Variants in GABRG3 observed in about 807,000 individuals in gnomAD.
GABRG3 encodes the protein gamma-aminobutyric acid receptor subunit gamma-3.
GABRG3 carries 25 observed loss-of-function variants against 48.8 expected under a neutral mutation model. The observed-to-expected ratio is 0.51, with a 90% CI of 0.37 to 0.72. GABRG3 has a LOEUF of 0.72. Among genes scored for constraint, GABRG3 ranks in the 30% least tolerant of loss-of-function variants. The pLI is 0.00. For synonymous variants in GABRG3, 227 were observed against 217.6 expected, an observed-to-expected ratio of 1.04 and a Z score of -0.38; for missense variants, 394 against 577.9, an observed-to-expected ratio of 0.68 and a Z score of 3.26.
chr15:27,126,145 G>A (rs994780483), intron 3 of GABRG3, among the ~76,000 whole-genome samples: 30 of 152,036 alleles, frequency 2.0e-4, no homozygotes, highest in Non-Finnish European at 3.1e-4. Context: ...TAAAACCAGT[G>A]AGTAGCAAGT....
At chr15:27,376,328 A>G (rs576325407) in intron 5 of GABRG3, among the ~76,000 whole-genome samples, 5 of 152,316 alleles carry the variant, frequency 3.3e-5, no homozygotes, top group South Asian at 2.1e-4. Context: ...GATGCAAACC[A>G]TCAGTGGATC....
chr15:27,264,060 C>CT (rs1380564986), intron 3 of GABRG3, among the ~76,000 whole-genome samples: 2 of 152,016 alleles, frequency 1.3e-5, no homozygotes, highest in Non-Finnish European at 1.5e-5. Context: ...AGCTGAGAGA[C>CT]TGTTGGGCAA....
intron 5 of GABRG3, among the ~76,000 whole-genome samples, chr15:27,410,349 T>A (rs1196023841): frequency 6.6e-6 from 1 of 152,146 alleles, no homozygotes. Context: ...GATACTATAG[T>A]TTTTTTGTAC....
intron 9 of GABRG3, among the ~76,000 whole-genome samples, chr15:27,528,390 A>G (rs1891333706): frequency 6.6e-6 from 1 of 152,240 alleles, no homozygotes; most frequent in African/African-American, 2.4e-5. Flanking sequence ...GGATCATTTT[A>G]ATGACCATAT....
intron 9 of GABRG3, among the ~76,000 whole-genome samples, chr15:27,529,166 C>T (rs1891354952): frequency 6.6e-6 from 1 of 152,118 alleles, no homozygotes; most frequent in African/African-American, 2.4e-5. Flanking sequence ...ACAAACCTTT[C>T]TACAAATGAG....
chr15:27,106,051 A>T (rs1218666901), intron 3 of GABRG3, among the ~76,000 whole-genome samples: 1 of 152,114 alleles, frequency 6.6e-6, no homozygotes, highest in East Asian at 1.9e-4. Flanking sequence ...GCATGATCTC[A>T]CTTATATATG....
intron 5 of GABRG3, among the ~76,000 whole-genome samples, chr15:27,341,346 T>C (rs1377579514): frequency 6.6e-6 from 1 of 152,196 alleles, no homozygotes; most frequent in Non-Finnish European, 1.5e-5. Flanking sequence ...GTTTTTGTTA[T>C]AGTTTATGAT....
At chr15:27,429,488 C>G (rs1888385880) in intron 5 of GABRG3, among the ~76,000 whole-genome samples, 3 of 152,156 alleles carry the variant, frequency 2.0e-5, no homozygotes. Context: ...TAATTTTTAG[C>G]ATGTTCACAG....
At chr15:27,094,416 C>T (rs781541507) in intron 3 of GABRG3, among the ~76,000 whole-genome samples, 8 of 152,204 alleles carry the variant, frequency 5.3e-5, no homozygotes, top group Non-Finnish European at 1.0e-4. Flanking sequence ...TTGCAGTGTA[C>T]TTGGTCTAGA....
In GABRG3 at chr15:27,312,517, AAG is replaced by A. The variant is rs548491922; in HGVS notation, c.271-14288_271-14287del. On this transcript the variant is annotated intron_variant, in intron 3 of 9. Transcript: ENST00000615808. The stretch of plus-strand genomic sequence containing the variant: ...TAATCAAATTGCCAAAAGTCAGAAA[AAG>A]AGAATTTCGAAAAGCAGCAAGAGAA... Among the ~76,000 whole-genome samples the A allele has an allele frequency of 3.0e-4, 46 of 152,292 alleles. 1 individual carries two copies. The highest frequency in any genetic ancestry group is 9.9e-4 in the African/African-American group (41 of 41,556).
intron 3 of GABRG3, among the ~76,000 whole-genome samples, chr15:27,300,678 C>CAA (rs10600874): frequency 5.9e-5 from 6 of 101,262 alleles, no homozygotes; most frequent in African/African-American, 1.5e-4. Context: ...AATAAATAAG[C>CAA]AAAAAAAAAA....
chr15:27,298,850 C>A (rs1297090095), intron 3 of GABRG3, among the ~76,000 whole-genome samples: 1 of 152,054 alleles, frequency 6.6e-6, no homozygotes, highest in Non-Finnish European at 1.5e-5. Flanking sequence ...CCCCACCCCC[C>A]AACAGGGGTC....
chr15:27,369,114 A>G (rs1895309613), intron 5 of GABRG3, among the ~76,000 whole-genome samples: 1 of 152,186 alleles, frequency 6.6e-6, no homozygotes, highest in South Asian at 2.1e-4. Flanking sequence ...TAAGCAACTT[A>G]ATTACATGGA....
At chr15:27,006,013 T>C (rs1271676400) in intron 2 of GABRG3, among the ~76,000 whole-genome samples, 1 of 152,210 alleles carries the variant, frequency 6.6e-6, no homozygotes, top group Non-Finnish European at 1.5e-5. Context: ...AAGCTTTGAA[T>C]GTAATGAATA....
chr15:27,193,156 A>G (rs1301927765), intron 3 of GABRG3, among the ~76,000 whole-genome samples: 1 of 152,126 alleles, frequency 6.6e-6, no homozygotes, highest in Non-Finnish European at 1.5e-5. Context: ...TAGGCTGCTC[A>G]GGGGTCAGGG....
intron 5 of GABRG3, among the ~76,000 whole-genome samples, chr15:27,388,227 AAGGG>A (rs879562537): frequency 0.013 from 523 of 41,664 alleles, 4 homozygotes; most frequent in Middle Eastern, 0.032. Flanking sequence ...GAAGGAAGGA[AAGGG>A]AGGAGGGAGG....
chr15:27,291,794 G>T (rs1302357040), intron 3 of GABRG3, among the ~76,000 whole-genome samples: 2 of 152,198 alleles, frequency 1.3e-5, no homozygotes, highest in African/African-American at 4.8e-5. Flanking sequence ...TCTACACACT[G>T]TTGGATCAGC....
At chr15:27,176,394 A>G (rs1595567730) in intron 3 of GABRG3, among the ~76,000 whole-genome samples, 1 of 152,336 alleles carries the variant, frequency 6.6e-6, no homozygotes, top group Admixed American at 6.5e-5. Context: ...TTTCTGAACC[A>G]GTGTTTACTG....
chr15:27,322,415 G>A (rs1179497949), intron 3 of GABRG3, among the ~76,000 whole-genome samples: 1 of 152,110 alleles, frequency 6.6e-6, no homozygotes, highest in African/African-American at 2.4e-5. Context: ...GATGGTTCTC[G>A]AATACTTCAT....
Sources: allele counts gnomAD v4.1 joint callset (sites outside exome capture counted in the v4.1 genomes callset), GRCh38; gene constraint gnomAD v4.1.1; transcripts MANE v1.5; gene names NCBI Gene and HGNC (gene_info 2026-07-23, HGNC 2026-07-21).